Variants in SKIC3 observed in about 807,000 individuals in gnomAD.
SKIC3 encodes SKI3 subunit of superkiller complex, also known as superkiller complex protein 3.
chr5:95,510,763 ACT>A, the SKIC3 span, among the ~76,000 whole-genome samples: 574 of 152,016 alleles, frequency 3.8e-3, 4 homozygotes, highest in South Asian at 7.1e-3. Context: ...TAATAATAAA[ACT>A]CTAGTCCTCC....
chr5:95,500,731 A>C, the SKIC3 span, among the ~76,000 whole-genome samples: 1 of 152,304 alleles, frequency 6.6e-6, no homozygotes, highest in Non-Finnish European at 1.5e-5. Flanking sequence ...GTAGATGGCA[A>C]TGTAGGAAAG....
At chr5:95,541,863 T>C in the SKIC3 span, 8 of 1,613,138 alleles carry the variant, frequency 5.0e-6, no homozygotes, top group Non-Finnish European at 5.9e-6. Context: ...CAAGTCATCC[T>C]TAGCATTTAT....
chr5:95,477,984 G>C, the SKIC3 span, among the ~76,000 whole-genome samples: 1 of 152,136 alleles, frequency 6.6e-6, no homozygotes, highest in East Asian at 1.9e-4. Flanking sequence ...TGTCACAGTT[G>C]AGTAGCTAAA....
the SKIC3 span, chr5:95,509,455 A>G: frequency 1.4e-6 from 1 of 705,572 alleles, no homozygotes; most frequent in African/African-American, 1.8e-5. Flanking sequence ...TGAAGAGGCC[A>G]GGCTCCTCCC....
the SKIC3 span, among the ~76,000 whole-genome samples, chr5:95,501,339 G>A: frequency 7.8e-3 from 1,192 of 152,080 alleles, 7 homozygotes; most frequent in Non-Finnish European, 0.012. Flanking sequence ...TTTTACACAT[G>A]GTTACTTATT....
chr5:95,498,512 A>T, the SKIC3 span: 2 of 1,614,150 alleles, frequency 1.2e-6, no homozygotes, highest in Non-Finnish European at 1.7e-6. Context: ...GCTGCTTTTG[A>T]CAGTGTAGCA....
the SKIC3 span, among the ~76,000 whole-genome samples, chr5:95,538,890 C>T: frequency 6.6e-6 from 1 of 152,052 alleles, no homozygotes; most frequent in Admixed American, 6.5e-5. Flanking sequence ...AAGAAACACA[C>T]CTTTAAAAGT....
At chr5:95,488,349 T>C in the SKIC3 span, among the ~76,000 whole-genome samples, 1 of 152,150 alleles carries the variant, frequency 6.6e-6, no homozygotes, top group South Asian at 2.1e-4. Context: ...CACAAATATT[T>C]ACAATTCCAA....
the SKIC3 span, among the ~76,000 whole-genome samples, chr5:95,554,461 G>A: frequency 6.6e-6 from 1 of 152,126 alleles, no homozygotes; most frequent in Non-Finnish European, 1.5e-5. Context: ...CTGAACCTAC[G>A]TCAACTAACT....
chr5:95,514,757 C>T, the SKIC3 span: 3 of 1,295,986 alleles, frequency 2.3e-6, no homozygotes, highest in African/African-American at 4.4e-5. Context: ...AAAGTAAGCC[C>T]TCAAATGCTA....
At chr5:95,539,639 T>C in the SKIC3 span, among the ~76,000 whole-genome samples, 1 of 151,392 alleles carries the variant, frequency 6.6e-6, no homozygotes, top group Non-Finnish European at 1.5e-5. Flanking sequence ...AGGTCAGGAG[T>C]TTGAGATCAG....
At chr5:95,484,837 C>T in the SKIC3 span, 805 of 1,613,870 alleles carry the variant, frequency 5.0e-4, 4 homozygotes, top group African/African-American at 6.0e-3. Flanking sequence ...AAGAATTTTT[C>T]GTCTTTAACT....
At chr5:95,497,186 T>C in the SKIC3 span, among the ~76,000 whole-genome samples, 1,408 of 152,300 alleles carry the variant, frequency 9.2e-3, 15 homozygotes, top group Non-Finnish European at 0.016. Context: ...TAGCTCCCAC[T>C]TCTTTGTACG....
the SKIC3 span, among the ~76,000 whole-genome samples, chr5:95,544,547 T>C: frequency 6.6e-6 from 1 of 152,190 alleles, no homozygotes; most frequent in Non-Finnish European, 1.5e-5. Context: ...CAAAATAAAA[T>C]TATTTATTTT....
the SKIC3 span, chr5:95,515,177 C>T: frequency 2.5e-6 from 1 of 403,038 alleles, no homozygotes; most frequent in Non-Finnish European, 4.7e-6. Flanking sequence ...TCTACCTTGT[C>T]ATCTGCAGAA....
the SKIC3 span, among the ~76,000 whole-genome samples, chr5:95,467,480 T>C: frequency 1.3e-5 from 2 of 152,178 alleles, no homozygotes; most frequent in South Asian, 4.1e-4. Context: ...AGTTTCCCCA[T>C]ATAAAGGCAT....
the SKIC3 span, chr5:95,529,016 G>A: frequency 2.5e-6 from 4 of 1,613,630 alleles, no homozygotes; most frequent in Non-Finnish European, 3.4e-6. Context: ...CTGCATGAAA[G>A]AACAGCTTCT....
chr5:95,518,645 C>T, the SKIC3 span, among the ~76,000 whole-genome samples: 1 of 151,946 alleles, frequency 6.6e-6, no homozygotes, highest in Non-Finnish European at 1.5e-5. Context: ...GCATTTCATT[C>T]TTTTTTATGG....
the SKIC3 span, among the ~76,000 whole-genome samples, chr5:95,512,102 C>T: frequency 2.1e-4 from 32 of 152,084 alleles, no homozygotes; most frequent in African/African-American, 7.0e-4. Context: ...TATCCACTAT[C>T]CAGGGAGTAA....
Sources: gnomAD v4.1 joint callset for allele counts (sites outside exome capture counted in the v4.1 genomes callset) on GRCh38, gnomAD v4.1.1 for gene constraint, MANE v1.5 for transcripts, NCBI Gene and HGNC (gene_info 2026-07-23, HGNC 2026-07-21) for gene names.